TFDP1: variants seen among roughly 807,000 people sequenced by gnomAD.
The protein encoded by TFDP1 is transcription factor Dp-1, also known as DRTF1-polypeptide 1.
A neutral mutation model predicts 48.0 loss-of-function variants in TFDP1; 6 were observed. That is an observed-to-expected ratio of 0.13 (90% CI 0.07 to 0.25). The LOEUF is 0.25. TFDP1 is among the 10% of genes least tolerant of loss of function. The pLI is 1.00. For missense variants in TFDP1, 335 were observed against 543.0 expected (o/e 0.62, Z 3.81); for synonymous variants, 201 against 211.6 (o/e 0.95, Z 0.44).
chr13:113,589,667 C>T (rs1026376546), intron 2 of TFDP1, among the ~76,000 whole-genome samples: 3 of 152,144 alleles, frequency 2.0e-5, no homozygotes, highest in Admixed American at 6.5e-5. Flanking sequence ...CGGTGGTGCT[C>T]GGAACCGTCC....
chr13:113,631,239 G>A (rs573111807), intron 4 of TFDP1, among the ~76,000 whole-genome samples: 11 of 152,320 alleles, frequency 7.2e-5, no homozygotes, highest in South Asian at 2.1e-4. Flanking sequence ...AAATGGAAGC[G>A]TGCTCAAGTG....
Position 113,616,295 on chromosome 13 carries a change from G to A in TFDP1, c.79+5233G>A, listed in dbSNP as rs376808368. The stretch of plus-strand genomic sequence containing the variant: ...GTGGAGTGTCTGTCCTCTCCATGCC[G>A]TGTGGTGGCTCCTGTCTGTAGTCAC... On this transcript the variant is annotated intron_variant, in intron 3 of 11. Transcript: ENST00000375370. Among the ~76,000 whole-genome samples the A allele has an allele frequency of 2.2e-4, 33 of 152,070 alleles. 1 individual carries two copies. Among genetic ancestry groups the A allele is most frequent in the African/African-American group, 7.2e-4 (30 of 41,476 alleles).
chr13:113,597,939 G>A (rs922227756), intron 2 of TFDP1, among the ~76,000 whole-genome samples: 6 of 152,192 alleles, frequency 3.9e-5, no homozygotes, highest in Admixed American at 1.3e-4. Flanking sequence ...GGCCAGAAAC[G>A]GGAGAGGTGG....
At chr13:113,613,678 C>T (rs1301685809) in intron 3 of TFDP1, among the ~76,000 whole-genome samples, 7 of 137,124 alleles carry the variant, frequency 5.1e-5, no homozygotes, top group Non-Finnish European at 7.8e-5. Context: ...TGTGTGTGTG[C>T]ATGAGTGTGT....
Position 113,623,164 on chromosome 13 carries a change from T to C in TFDP1, c.80-16T>C. The C allele has an allele frequency of 6.2e-7, 1 of 1,608,740 alleles. No individual in the cohort carries two copies. On this transcript the variant is annotated splice_polypyrimidine_tract_variant and intron_variant, in intron 3 of 11. Transcript: ENST00000375370. This position sits in a 1 kb window ranked among gnomAD's most constrained non-coding sequence, Gnocchi z 5.2. ...AAAAGGAGTCTCGCCCTTGACCTGG[T>C]GTCCTTGTGTTGCAGGCGTGGTGTC...
intron 3 of TFDP1, among the ~76,000 whole-genome samples, chr13:113,614,754 G>T (rs138180545): frequency 1.6e-4 from 24 of 152,330 alleles, no homozygotes; most frequent in African/African-American, 5.5e-4. Context: ...AGCAGCCAGT[G>T]AGCGACGGGA....
chr13:113,629,506 G>A (rs1406417191), intron 4 of TFDP1, among the ~76,000 whole-genome samples: 1 of 152,170 alleles, frequency 6.6e-6, no homozygotes, highest in Non-Finnish European at 1.5e-5. Flanking sequence ...TGCTTCCACT[G>A]CCCATACGAC....
In TFDP1 at chr13:113,636,015, T is replaced by A; in HGVS notation, c.726T>A (p.His242Gln). 6.2e-7 allele frequency: 1 copy of A among 1,614,184 alleles called. No homozygotes were observed. Among genetic ancestry groups the A allele is most frequent in the South Asian group, 1.1e-5 (1 of 91,084 alleles). The change falls in exon 9 of 12, where the codon CAT becomes CAA. Residue 242 changes from histidine (H) to glutamine (Q), a missense_variant. This residue lies in a region of TFDP1 where 204 missense variants were observed against 287.1 expected (regional missense o/e 0.71). Coordinates refer to ENST00000375370, the MANE Select transcript of TFDP1 (RefSeq NM_007111.5). ...AFKNLVQRNR[H>Q]AEQQASRPPP... Reference sequence around the variant, plus strand: ...AGAACCTGGTGCAGAGAAACCGGCATGCGGAGCAGCAGGCCAGCCGGCCAC... The same window carrying A: ...AGAACCTGGTGCAGAGAAACCGGCAAGCGGAGCAGCAGGCCAGCCGGCCAC...
At chr13:113,636,258 A>C (rs1345588663) in intron 9 of TFDP1, 130 bp downstream of exon 9, 1 of 1,318,286 alleles carries the variant, frequency 7.6e-7, no homozygotes, top group African/African-American at 1.5e-5. Context: ...ATTGCTGTCC[A>C]TTGGGGGGTG....
At chr13:113,592,395 G>A (rs920469803) in intron 2 of TFDP1, among the ~76,000 whole-genome samples, 7 of 152,252 alleles carry the variant, frequency 4.6e-5, no homozygotes, top group Non-Finnish European at 7.3e-5. Flanking sequence ...GACCTCAGGT[G>A]ATCCGCCCGC....
chr13:113,637,787 G>A (rs750412352), intron 10 of TFDP1, 31 bp from the exon 11 acceptor site: 2 of 1,614,214 alleles, frequency 1.2e-6, no homozygotes, highest in Admixed American at 1.7e-5. Context: ...TCTGTTTCAT[G>A]ACCATTCGCT....
At chr13:113,625,449 A>C (rs2049127252) in intron 4 of TFDP1, among the ~76,000 whole-genome samples, 1 of 96,282 alleles carries the variant, frequency 1.0e-5, no homozygotes, top group Non-Finnish European at 1.9e-5. Flanking sequence ...ACATGTCCTC[A>C]GGTGTCTCTC....
intron 2 of TFDP1, among the ~76,000 whole-genome samples, chr13:113,596,036 G>A: frequency 6.6e-6 from 1 of 152,180 alleles, no homozygotes; most frequent in Non-Finnish European, 1.5e-5. Context: ...GAGCCAAGAT[G>A]GCGCCGCTGC....
intron 2 of TFDP1, among the ~76,000 whole-genome samples, chr13:113,610,320 C>T (rs1277879321): frequency 2.0e-5 from 3 of 151,608 alleles, no homozygotes; most frequent in Admixed American, 6.6e-5. Flanking sequence ...TGTGCCCTGA[C>T]GTGTGACTGT....
intron 2 of TFDP1, among the ~76,000 whole-genome samples, chr13:113,609,178 C>T (rs924837975): frequency 3.9e-5 from 6 of 152,246 alleles, no homozygotes; most frequent in South Asian, 2.1e-4. Flanking sequence ...TCTTGCTCCA[C>T]GGCTCTTTTC....
At chr13:113,614,916 C>T (rs531713902) in intron 3 of TFDP1, among the ~76,000 whole-genome samples, 3 of 152,288 alleles carry the variant, frequency 2.0e-5, no homozygotes, top group East Asian at 1.9e-4. Flanking sequence ...CCACCTGCAT[C>T]GAGCACAGTC....
At chr13:113,585,531 T>G in intron 1 of TFDP1, 5 of 254,746 alleles carry the variant, frequency 2.0e-5, no homozygotes, top group East Asian at 7.5e-5. Flanking sequence ...GTCGGGGACC[T>G]GGGGGTAGTG....
chr13:113,621,821 TC>T (rs1355179523), intron 3 of TFDP1, among the ~76,000 whole-genome samples: 2 of 152,184 alleles, frequency 1.3e-5, no homozygotes, highest in Non-Finnish European at 2.9e-5. Context: ...TTCCTCCACC[TC>T]TTGTGGAGGG....
At chr13:113,590,457 A>G (rs2140271892) in intron 2 of TFDP1, among the ~76,000 whole-genome samples, 1 of 152,322 alleles carries the variant, frequency 6.6e-6, no homozygotes, top group Admixed American at 6.5e-5. Flanking sequence ...ATGCAGCAAC[A>G]AACTGCTGTT....
Sources: allele counts gnomAD v4.1 joint callset (sites outside exome capture counted in the v4.1 genomes callset), GRCh38; gene constraint gnomAD v4.1.1; regional missense constraint gnomAD v4.1.1; non-coding constraint Gnocchi (gnomAD v3.1); transcripts MANE v1.5; gene names NCBI Gene and HGNC (gene_info 2026-07-23, HGNC 2026-07-21).